Variants in FRMD4A observed in about 807,000 individuals in gnomAD.
The protein encoded by FRMD4A is FERM domain-containing protein 4A.
A neutral mutation model predicts 129.1 loss-of-function variants in FRMD4A; 29 were observed. The observed-to-expected ratio is 0.22, with a 90% CI of 0.17 to 0.31. FRMD4A has a LOEUF of 0.31. FRMD4A is among the 10% of genes least tolerant of loss of function. The pLI is 1.00. For missense variants in FRMD4A, 1,272 were observed against 1,375.8 expected (o/e 0.92, Z 1.19); for synonymous variants, 634 against 571.6 (o/e 1.11, Z -1.56).
chr10:14,049,007 G>A (rs938104175), intron 2 of FRMD4A, among the ~76,000 whole-genome samples: 2 of 152,186 alleles, frequency 1.3e-5, no homozygotes, highest in East Asian at 3.9e-4. Context: ...CAGGATGCTT[G>A]GAAGGATTGC....
At chr10:13,891,358 T>C (rs2094694016) in intron 2 of FRMD4A, among the ~76,000 whole-genome samples, 1 of 151,958 alleles carries the variant, frequency 6.6e-6, no homozygotes, top group Non-Finnish European at 1.5e-5. Flanking sequence ...TCTCCCCGGG[T>C]AGATTCAGAC....
intron 5 of FRMD4A, among the ~76,000 whole-genome samples, chr10:13,784,346 G>A (rs1430645171): frequency 1.3e-5 from 2 of 152,160 alleles, no homozygotes; most frequent in East Asian, 1.9e-4. Flanking sequence ...CTCTACCTAA[G>A]AAGTCCACTG....
At chr10:14,189,812 A>C (rs1203536206) in intron 2 of FRMD4A, among the ~76,000 whole-genome samples, 1 of 152,190 alleles carries the variant, frequency 6.6e-6, no homozygotes, top group African/African-American at 2.4e-5. Context: ...ACAGATCTTA[A>C]CTCAGCCTGA....
chr10:13,706,963 C>A (rs1258326565), intron 13 of FRMD4A, 74 bp downstream of exon 13: 4 of 804,676 alleles, frequency 5.0e-6, no homozygotes, highest in African/African-American at 3.4e-5. Context: ...ACAACGACAG[C>A]CCCAAAATAA....
chr10:13,714,123 G>A (rs1290109008), intron 12 of FRMD4A, among the ~76,000 whole-genome samples: 3 of 140,560 alleles, frequency 2.1e-5, no homozygotes, highest in Admixed American at 7.6e-5. Context: ...GCAGTGGCAC[G>A]TTCTCAGCTC....
chr10:14,316,508 CAA>C lies in FRMD4A; in HGVS notation c.45+13548_45+13549del, dbSNP rs760301974. On this transcript the variant is annotated intron_variant, in intron 2 of 24. Transcript: ENST00000357447. ...AGTCTCTAGTATTTTGTGATAGCAG[CAA>C]AAAAAAAAAAAAAAAAGAAGAAGAA... is the stretch of plus-strand genomic sequence containing the variant. Among the ~76,000 whole-genome samples the C allele has an allele frequency of 1.3e-4, 14 of 109,894 alleles. No individual in the cohort carries two copies. In the East Asian group the frequency reaches 1.3e-3, roughly 10 times the overall value. The allele number at this position is 109,894 out of a possible 152,430, so 72.1% of individuals were successfully genotyped here.
intron 18 of FRMD4A, among the ~76,000 whole-genome samples, chr10:13,665,248 C>T (rs2082932176): frequency 1.3e-5 from 2 of 151,996 alleles, no homozygotes; most frequent in South Asian, 2.1e-4. Flanking sequence ...TCACCACCAT[C>T]CATCTTCTGT....
rs140680087 is a variant in FRMD4A at position 13,844,500 on chromosome 10, C to T, written c.111+14347G>A. On this transcript the variant is annotated intron_variant, in intron 3 of 24. Coordinates refer to ENST00000357447, the MANE Select transcript of FRMD4A (RefSeq NM_018027.5). ...AAGAAGGGCCAAAGTAAAGGAATGC[C>T]GATAAAGAATTTTGATAATACCAAC... Among the ~76,000 whole-genome samples the T allele has an allele frequency of 6.0e-4, 91 of 152,072 alleles. 1 individual carries two copies. Among genetic ancestry groups the T allele is most frequent in the African/African-American group, 1.4e-3 (59 of 41,474 alleles).
chr10:13,748,063 G>A (rs1454180097), intron 8 of FRMD4A, among the ~76,000 whole-genome samples: 11 of 152,162 alleles, frequency 7.2e-5, no homozygotes, highest in Admixed American at 2.0e-4. Context: ...CCTTCAGATG[G>A]CCAGGGGTGT....
At chr10:14,159,030 G>A (rs1317372202) in intron 2 of FRMD4A, among the ~76,000 whole-genome samples, 1 of 152,208 alleles carries the variant, frequency 6.6e-6, no homozygotes, top group African/African-American at 2.4e-5. Flanking sequence ...TGGCTTGGGT[G>A]CATGGATGGA....
intron 2 of FRMD4A, among the ~76,000 whole-genome samples, chr10:13,917,553 G>A (rs2095023740): frequency 1.3e-5 from 2 of 152,122 alleles, no homozygotes; most frequent in South Asian, 4.1e-4. Flanking sequence ...GCCTCCCAAA[G>A]TGCTGGGATT....
intron 8 of FRMD4A, 116 bp from the exon 9 acceptor site, chr10:13,747,935 A>G: frequency 1.4e-6 from 1 of 698,586 alleles, no homozygotes; most frequent in African/African-American, 1.7e-5. Flanking sequence ...CCCTGTTAAT[A>G]AAAAGCAGTG....
At chr10:13,887,290 A>G (rs190053802) in intron 2 of FRMD4A, among the ~76,000 whole-genome samples, 109 of 152,332 alleles carry the variant, frequency 7.2e-4, no homozygotes, top group African/African-American at 2.5e-3. Flanking sequence ...ACTTTCCAAC[A>G]ACTGTGACTT....
intron 3 of FRMD4A, among the ~76,000 whole-genome samples, chr10:13,835,174 C>G (rs2093853596): frequency 6.6e-6 from 1 of 152,158 alleles, no homozygotes; most frequent in Non-Finnish European, 1.5e-5. Context: ...TGGCTTTGAG[C>G]CCAGTTACTT....
chr10:13,782,273 T>C (rs1250086439), intron 6 of FRMD4A, among the ~76,000 whole-genome samples: 1 of 152,122 alleles, frequency 6.6e-6, no homozygotes, highest in Admixed American at 6.5e-5. Context: ...AAGACCTGTC[T>C]AAGTTGACTG....
intron 15 of FRMD4A, among the ~76,000 whole-genome samples, chr10:13,689,157 C>T (rs900425332): frequency 7.4e-5 from 10 of 135,076 alleles, no homozygotes; most frequent in African/African-American, 2.4e-4. Context: ...AAACATTTTA[C>T]GTCTTTTTTT....
At chr10:13,772,396 G>A (rs939860191) in intron 6 of FRMD4A, among the ~76,000 whole-genome samples, 7 of 151,918 alleles carry the variant, frequency 4.6e-5, no homozygotes, top group African/African-American at 1.2e-4. Context: ...GGGCCAGCTG[G>A]CCTAGCAAAT....
intron 12 of FRMD4A, among the ~76,000 whole-genome samples, chr10:13,736,447 A>G (rs1285772317): frequency 6.6e-6 from 1 of 152,226 alleles, no homozygotes; most frequent in East Asian, 1.9e-4. Flanking sequence ...TCCACCCGCC[A>G]AAGAGCCAGG....
intron 3 of FRMD4A, among the ~76,000 whole-genome samples, chr10:13,828,174 T>C (rs960463085): frequency 4.6e-5 from 7 of 152,232 alleles, no homozygotes; most frequent in African/African-American, 1.7e-4. Flanking sequence ...CTTTTTTTCT[T>C]ATTTCTGTAC....
Sources: gnomAD v4.1 joint callset for allele counts (sites outside exome capture counted in the v4.1 genomes callset) on GRCh38, gnomAD v4.1.1 for gene constraint, MANE v1.5 for transcripts, NCBI Gene and HGNC (gene_info 2026-07-23, HGNC 2026-07-21) for gene names.